ACAD11: variants seen among roughly 807,000 people sequenced by gnomAD.
The protein encoded by ACAD11 is acyl-CoA dehydrogenase family member 11.
ACAD11 carries 83 observed loss-of-function variants against 102.2 expected under a neutral mutation model. The ratio of observed to expected loss-of-function variants is 0.81; its 90% CI spans 0.68 to 0.97. The LOEUF is 0.97. Ranked by LOEUF, ACAD11 falls within the 50% of genes least tolerant of loss-of-function variation. The pLI is 0.00. For synonymous variants in ACAD11, 324 were observed against 319.8 expected, an observed-to-expected ratio of 1.01 and a Z score of -0.14; for missense variants, 901 against 951.7, an observed-to-expected ratio of 0.95 and a Z score of 0.70.
chr3:132,618,660 G>A lies in ACAD11; in HGVS notation c.1388C>T (p.Pro463Leu), dbSNP rs936495311. 6.2e-7 allele frequency: 1 copy of A among 1,605,602 alleles called. No individual in the cohort carries two copies. The highest frequency in any genetic ancestry group is 8.5e-7 in the Non-Finnish European group (1 of 1,176,718). Residue 463 changes from proline to leucine, a missense_variant, in exon 11 of 20, where the codon CCA becomes CTA. Coordinates refer to ENST00000264990, the MANE Select transcript of ACAD11 (RefSeq NM_032169.5). ...AEETGKCFFA[P>L]DVFNCQAPDT... The stretch of plus-strand genomic sequence containing the variant: ...TGGTGCTTGGCAGTTAAAGACATCT[G>A]GAGCAAAAAAGCATTTTCCTGTTTC...
chr3:132,590,640 T>A (rs1038980600), intron 13 of ACAD11, among the ~76,000 whole-genome samples: 6 of 152,202 alleles, frequency 3.9e-5, no homozygotes, highest in Non-Finnish European at 5.9e-5. Flanking sequence ...TATTAAGTGT[T>A]CCTTTTTTTC....
At chr3:132,559,613 G>A (rs1161710493) in intron 19 of ACAD11, among the ~76,000 whole-genome samples, 1 of 151,824 alleles carries the variant, frequency 6.6e-6, no homozygotes, top group Non-Finnish European at 1.5e-5. Context: ...AATCCTCAGT[G>A]GGACCCCTCA....
chr3:132,609,247 A>C (rs922376043), intron 11 of ACAD11, among the ~76,000 whole-genome samples: 1 of 152,130 alleles, frequency 6.6e-6, no homozygotes, highest in Non-Finnish European at 1.5e-5. Flanking sequence ...GAAGCAAGCC[A>C]AACAAATTCA....
chr3:132,654,230 T>C (rs1449890403), intron 1 of ACAD11, among the ~76,000 whole-genome samples: 1 of 152,244 alleles, frequency 6.6e-6, no homozygotes. Flanking sequence ...ATGACAGGGA[T>C]GTGTTCTGGA....
rs539130032 is a variant in ACAD11 at position 132,623,630 on chromosome 3, A to G, written c.1197+3061T>C. Among the ~76,000 whole-genome samples, 7 of 152,264 alleles carry G rather than the reference A, an allele frequency of 4.6e-5. No homozygotes were observed. The South Asian group carries it at 1.5e-3, about 32-fold the overall frequency. Reference sequence around the variant, plus strand: ...TGTGGCTTTTCTGGTCACACAAAACATTGGCAATCTTCCCTTTAAAGCTAT... The same window carrying G: ...TGTGGCTTTTCTGGTCACACAAAACGTTGGCAATCTTCCCTTTAAAGCTAT... On this transcript the variant is annotated intron_variant, in intron 9 of 19. Transcript: ENST00000264990.
chr3:132,562,055 G>A (rs1426767874), intron 17 of ACAD11, among the ~76,000 whole-genome samples: 1 of 152,104 alleles, frequency 6.6e-6, no homozygotes, highest in Admixed American at 6.5e-5. Flanking sequence ...GTATCAGTTG[G>A]TTTATCCATT....
Position 132,659,651 on chromosome 3 carries a change from G to A in ACAD11, c.101C>T (p.Ser34Phe). The change falls in exon 1 of 20, where the codon TCT becomes TTT. Residue 34 changes from serine (S) to phenylalanine (F), a missense_variant. Ser to Phe is a radical substitution (Grantham distance 155). Transcript: ENST00000264990. ...SLEAYLNQHL[S>F]GFGAEREATL... ...AGCCTCACGTTCGGCCCCAAAGCCA[G>A]ACAAGTGCTGGTTTAGGTAGGCCTC... 2 of 1,611,654 alleles carry A rather than the reference G, an allele frequency of 1.2e-6. No individual in the cohort carries two copies. The highest frequency in any genetic ancestry group is 1.7e-6 in the Non-Finnish European group (2 of 1,178,918).
intron 8 of ACAD11, 38 bp from the exon 9 acceptor site, chr3:132,626,855 A>G: frequency 6.3e-7 from 1 of 1,583,444 alleles, no homozygotes; most frequent in South Asian, 1.2e-5. Flanking sequence ...GGTTACAAAG[A>G]TGTCCAAAGA....
intron 17 of ACAD11, among the ~76,000 whole-genome samples, chr3:132,571,583 T>G (rs1323425336): frequency 6.6e-6 from 1 of 152,184 alleles, no homozygotes; most frequent in African/African-American, 2.4e-5. Context: ...CCCATTCCTA[T>G]GTCCAGAATG....
chr3:132,656,469 C>T (rs924869735), intron 1 of ACAD11, among the ~76,000 whole-genome samples: 2 of 151,628 alleles, frequency 1.3e-5, no homozygotes, highest in Non-Finnish European at 2.9e-5. Context: ...CCTGTTGCCC[C>T]ATATCCTGAT....
intron 13 of ACAD11, among the ~76,000 whole-genome samples, chr3:132,597,977 T>C (rs1405736893): frequency 6.6e-6 from 1 of 152,284 alleles, no homozygotes; most frequent in East Asian, 1.9e-4. Flanking sequence ...TTTTACATAA[T>C]GAAAGCAATT....
chr3:132,579,132 G>A (rs1302000240), intron 14 of ACAD11: 1 of 1,238,318 alleles, frequency 8.1e-7, no homozygotes, highest in Non-Finnish European at 1.1e-6. Context: ...ATGGTAACTG[G>A]GAACTTATAT....
chr3:132,564,610 A>C (rs1205854496), intron 17 of ACAD11, among the ~76,000 whole-genome samples: 3 of 152,160 alleles, frequency 2.0e-5, no homozygotes, highest in African/African-American at 7.2e-5. Flanking sequence ...AGGAGACTCT[A>C]CTTCAGCCTT....
chr3:132,592,604 T>C (rs942405570), intron 13 of ACAD11, among the ~76,000 whole-genome samples: 1 of 152,184 alleles, frequency 6.6e-6, no homozygotes, highest in Non-Finnish European at 1.5e-5. Flanking sequence ...GAGTATAGTG[T>C]GGTTTGTAAC....
intron 11 of ACAD11, among the ~76,000 whole-genome samples, chr3:132,606,093 T>C (rs572052982): frequency 6.6e-6 from 1 of 152,338 alleles, no homozygotes; most frequent in African/African-American, 2.4e-5. Context: ...CTTAAAATAC[T>C]GTCTAAAACC....
At chr3:132,637,940 TA>T (rs1408060584) in intron 5 of ACAD11, among the ~76,000 whole-genome samples, 2 of 152,196 alleles carry the variant, frequency 1.3e-5, no homozygotes, top group Non-Finnish European at 2.9e-5. Context: ...CATCAAACCC[TA>T]AACATTACAG....
intron 17 of ACAD11, among the ~76,000 whole-genome samples, chr3:132,563,867 G>C (rs1009256577): frequency 6.6e-6 from 1 of 152,086 alleles, no homozygotes; most frequent in Non-Finnish European, 1.5e-5. Context: ...AGTTTTGGGG[G>C]AAAAGCATTT....
chr3:132,605,831 T>A (rs1441179421), intron 11 of ACAD11, among the ~76,000 whole-genome samples: 3 of 152,204 alleles, frequency 2.0e-5, no homozygotes, highest in Non-Finnish European at 2.9e-5. Flanking sequence ...CTAACATTGC[T>A]CTTACTTTTA....
chr3:132,586,919 C>G (rs2107803191), intron 13 of ACAD11, among the ~76,000 whole-genome samples: 1 of 152,146 alleles, frequency 6.6e-6, no homozygotes, highest in Admixed American at 6.5e-5. Context: ...ATGGCGAAAC[C>G]CCGTCTCTAC....
Sources: allele counts gnomAD v4.1 joint callset (sites outside exome capture counted in the v4.1 genomes callset), GRCh38; gene constraint gnomAD v4.1.1; transcripts MANE v1.5; gene names NCBI Gene and HGNC (gene_info 2026-07-23, HGNC 2026-07-21).